Variants in ADGRL2 observed in about 807,000 individuals in gnomAD.
The protein encoded by ADGRL2 is adhesion G protein-coupled receptor L2, also known as calcium-independent alpha-latrotoxin receptor 2.
Under a neutral mutation model 157.4 loss-of-function variants are expected in ADGRL2, and 44 were observed. The observed-to-expected ratio is 0.28, with a 90% CI of 0.22 to 0.36. The LOEUF is 0.36. ADGRL2 is among the 10% of genes least tolerant of loss of function. ADGRL2 has a pLI of 1.00. For missense variants in ADGRL2, 1,510 were observed against 1,768.9 expected (o/e 0.85, Z 2.63); for synonymous variants, 585 against 624.7 (o/e 0.94, Z 0.95).
intron 1 of ADGRL2, among the ~76,000 whole-genome samples, chr1:81,321,636 G>A (rs554351356): frequency 1.5e-3 from 235 of 152,124 alleles, no homozygotes; most frequent in African/African-American, 2.0e-3. Context: ...TAGAGCAGTC[G>A]GAACCCACAC....
At chr1:81,979,817 CA>C (rs942016030) in intron 17 of ADGRL2, 51 bp from the exon 18 acceptor site, 4 of 1,029,996 alleles carry the variant, frequency 3.9e-6, no homozygotes, top group Non-Finnish European at 6.1e-6. Flanking sequence ...AAGAACTATT[CA>C]TTTTTCAGCT....
intron 2 of ADGRL2, among the ~76,000 whole-genome samples, chr1:81,873,864 G>A (rs987737990): frequency 3.3e-5 from 5 of 152,178 alleles, no homozygotes; most frequent in Admixed American, 2.6e-4. Flanking sequence ...CATTAATAAA[G>A]TATTGAAATT....
At chr1:81,497,108 C>T (rs1397433366) in intron 2 of ADGRL2, among the ~76,000 whole-genome samples, 1 of 152,154 alleles carries the variant, frequency 6.6e-6, no homozygotes, top group Non-Finnish European at 1.5e-5. Flanking sequence ...ATATAGGTTC[C>T]TCCTGAATGT....
chr1:81,991,070 C>T lies in ADGRL2; in HGVS notation c.4335C>T (p.Ile1445=), dbSNP rs768069832. ...ISRGNSDGYI[I]PINKEGCIPE... ...GGGGCAATAGTGATGGTTATATAAT[C>T]CCCATTAACAAAGAAGGGTGTATTC... The change falls in exon 24 of 24, where the codon ATC becomes ATT. Residue 1445 remains isoleucine, a synonymous_variant. Transcript: ENST00000686636. 40 of 1,613,280 alleles carry T rather than the reference C, an allele frequency of 2.5e-5. 1 individual carries two copies. In the South Asian group the frequency reaches 4.2e-4, roughly 17 times the overall value.
At chr1:81,448,081 C>T (rs1225585129) in intron 2 of ADGRL2, among the ~76,000 whole-genome samples, 1 of 151,406 alleles carries the variant, frequency 6.6e-6, no homozygotes, top group African/African-American at 2.4e-5. Flanking sequence ...GCTTCCTGTA[C>T]AGCCTGCGGA....
intron 2 of ADGRL2, among the ~76,000 whole-genome samples, chr1:81,543,860 C>T (rs1160692388): frequency 6.6e-6 from 1 of 152,214 alleles, no homozygotes. Context: ...TTTGCCTGCT[C>T]AGCTTCAACT....
chr1:81,472,639 AGG>A (rs2078195035), intron 2 of ADGRL2, among the ~76,000 whole-genome samples: 2 of 130,328 alleles, frequency 1.5e-5, no homozygotes, highest in South Asian at 7.3e-4. Flanking sequence ...CTGAAAAAAA[AGG>A]AAAGGAAAGG....
chr1:81,741,146 A>G (rs1241954238), intron 1 of ADGRL2, among the ~76,000 whole-genome samples: 1 of 151,978 alleles, frequency 6.6e-6, no homozygotes, highest in Non-Finnish European at 1.5e-5. Context: ...TTATAGAATA[A>G]GAGTAAAGAA....
At chr1:81,661,186 A>AT (rs140405432) in intron 3 of ADGRL2, among the ~76,000 whole-genome samples, 3 of 151,642 alleles carry the variant, frequency 2.0e-5, no homozygotes, top group Non-Finnish European at 2.9e-5. Flanking sequence ...TTCCATAAGC[A>AT]TTTTTTTTAT....
chr1:81,680,905 T>G (rs1204373311), intron 3 of ADGRL2, among the ~76,000 whole-genome samples: 2 of 152,024 alleles, frequency 1.3e-5, no homozygotes, highest in East Asian at 3.9e-4. Context: ...AAGGCTGGGA[T>G]TTTTAAAAGG....
intron 2 of ADGRL2, among the ~76,000 whole-genome samples, chr1:81,788,344 A>G (rs2087159364): frequency 6.6e-6 from 1 of 152,118 alleles, no homozygotes; most frequent in Non-Finnish European, 1.5e-5. Context: ...TCCCCACAGT[A>G]GTGTGTTCAT....
chr1:81,355,466 A>T (rs1274519681), intron 1 of ADGRL2, among the ~76,000 whole-genome samples: 1 of 152,240 alleles, frequency 6.6e-6, no homozygotes, highest in East Asian at 1.9e-4. Context: ...CATATATTCT[A>T]TATATTTACT....
chr1:81,827,333 A>C (rs995871050), intron 1 of ADGRL2, among the ~76,000 whole-genome samples: 7 of 152,256 alleles, frequency 4.6e-5, no homozygotes, highest in Admixed American at 3.9e-4. Context: ...AGCCACTTTT[A>C]CCAGCAGCTC....
intron 1 of ADGRL2, among the ~76,000 whole-genome samples, chr1:81,733,843 G>T (rs542534428): frequency 2.0e-5 from 3 of 152,120 alleles, no homozygotes; most frequent in Non-Finnish European, 2.9e-5. Flanking sequence ...GAAGGTAGAG[G>T]GTGGGAGCAG....
upstream of ADGRL2, among the ~76,000 whole-genome samples, chr1:81,798,092 A>G (rs1340384972): frequency 1.3e-5 from 2 of 152,202 alleles, no homozygotes; most frequent in Admixed American, 6.5e-5. Context: ...AATGCGTAAC[A>G]TACTCCAACT....
At chr1:81,382,474 G>A (rs1161833771) in intron 1 of ADGRL2, among the ~76,000 whole-genome samples, 1 of 152,164 alleles carries the variant, frequency 6.6e-6, no homozygotes, top group Admixed American at 6.5e-5. Context: ...ACCCAGACAT[G>A]CCAGAGATAA....
At chr1:81,743,409 T>G in intron 1 of ADGRL2, among the ~76,000 whole-genome samples, 1 of 147,830 alleles carries the variant, frequency 6.8e-6, no homozygotes, top group East Asian at 2.0e-4. Flanking sequence ...TTTTTTTTTT[T>G]GCACTTGTAT....
chr1:81,571,157 T>C (rs1475349394), intron 2 of ADGRL2, among the ~76,000 whole-genome samples: 1 of 151,664 alleles, frequency 6.6e-6, no homozygotes, highest in Non-Finnish European at 1.5e-5. Context: ...AAACCCTGTC[T>C]CTACTATAAA....
At chr1:81,437,076 A>G (rs2077422897) in intron 1 of ADGRL2, among the ~76,000 whole-genome samples, 1 of 152,234 alleles carries the variant, frequency 6.6e-6, no homozygotes, top group Admixed American at 6.5e-5. Context: ...AGTCTGGATT[A>G]TAATTTGTTC....
Sources: gnomAD v4.1 joint callset for allele counts (sites outside exome capture counted in the v4.1 genomes callset) on GRCh38, gnomAD v4.1.1 for gene constraint, MANE v1.5 for transcripts, NCBI Gene and HGNC (gene_info 2026-07-23, HGNC 2026-07-21) for gene names.